The following PCDHGA11 variants were observed in gnomAD, a reference collection of about 807,000 sequenced individuals.
PCDHGA11 encodes the protein protocadherin gamma subfamily A, 11.
Under a neutral mutation model 60.4 loss-of-function variants are expected in PCDHGA11, and 39 were observed. That is an observed-to-expected ratio of 0.65 (90% CI 0.50 to 0.84). PCDHGA11 has a LOEUF of 0.84. Ranked by LOEUF, PCDHGA11 falls within the 40% of genes least tolerant of loss-of-function variation. The pLI, the probability that PCDHGA11 is intolerant of heterozygous loss-of-function variation, is 0.00. For synonymous variants in PCDHGA11, 533 were observed against 510.3 expected (o/e 1.04, Z -0.60); for missense variants, 1,165 against 1,197.7 (o/e 0.97, Z 0.40).
intron 1 of PCDHGA11, chr5:141,424,160 CATCT>C (rs1554117117): frequency 1.5e-5 from 4 of 273,202 alleles, no homozygotes; most frequent in South Asian, 1.4e-4. Flanking sequence ...CTCTCCTTCT[CATCT>C]ATCTATCTAT....
chr5:141,438,635 T>C (rs1325567714), intron 1 of PCDHGA11, among the ~76,000 whole-genome samples: 9 of 33,420 alleles, frequency 2.7e-4, no homozygotes, highest in East Asian at 1.8e-3. Flanking sequence ...TATATATATA[T>C]ACACACACAC....
At chr5:141,449,888 A>G (rs544369390) in intron 1 of PCDHGA11, among the ~76,000 whole-genome samples, 1 of 151,990 alleles carries the variant, frequency 6.6e-6, no homozygotes, top group Non-Finnish European at 1.5e-5. Flanking sequence ...ATGCAATATA[A>G]TTATTTAGCC....
At position 141,423,665 on chromosome 5, in the gene PCDHGA11, G is replaced by A; in HGVS notation, c.2433+5G>A. ...TGTGACCCGACAAGTAATCAGGTGAGATTTATTTCTCTGCCTCCTAATTGT... is the reference window on the plus strand; with the variant it reads ...TGTGACCCGACAAGTAATCAGGTGAAATTTATTTCTCTGCCTCCTAATTGT... On this transcript the variant is annotated splice_donor_5th_base_variant and intron_variant, in intron 1 of 3. Transcript: ENST00000398587. 1 of 1,512,226 alleles carries A rather than the reference G, an allele frequency of 6.6e-7. No homozygotes were observed. Among genetic ancestry groups the A allele is most frequent in the Non-Finnish European group, 8.9e-7 (1 of 1,128,960 alleles). 93.7% of individuals were successfully genotyped at this position (1,512,226 alleles called of 1,614,324 possible). A position where few individuals can be genotyped will look rare whatever the true frequency, so the allele number is the denominator to read the frequency against.
At position 141,432,749 on chromosome 5, in the gene PCDHGA11, G is replaced by A; in HGVS notation, c.2433+9089G>A. 6.8e-6 allele frequency: 11 copies of A among 1,614,106 alleles called. No homozygotes were observed. The highest frequency in any genetic ancestry group is 9.3e-6 in the Non-Finnish European group (11 of 1,179,980). On this transcript the variant is annotated intron_variant, in intron 1 of 3. Coordinates refer to ENST00000398587, the MANE Select transcript of PCDHGA11 (RefSeq NM_018914.3). The surrounding 1 kb of genome is among the most constrained non-coding windows in gnomAD (Gnocchi z 6.0). ...CGCCACTGTCACGCTCACCGTGGCCGTGGCCGACAGCATCCCCCAAGTCCT... is the reference window on the plus strand; with the variant it reads ...CGCCACTGTCACGCTCACCGTGGCCATGGCCGACAGCATCCCCCAAGTCCT...
intron 1 of PCDHGA11, chr5:141,424,091 G>A: frequency 1.1e-6 from 1 of 879,778 alleles, no homozygotes; most frequent in Non-Finnish European, 1.4e-6. Context: ...ACCATTATTT[G>A]CTATTACTGC....
chr5:141,431,561 G>C lies in PCDHGA11; in HGVS notation c.2433+7901G>C. On this transcript the variant is annotated intron_variant, in intron 1 of 3. Transcript: ENST00000398587. The surrounding 1 kb of genome is among the most constrained non-coding windows in gnomAD (Gnocchi z 4.8). ...GCAGCTGCTTGTAGTCAACGCTACC[G>C]ACCCTGACGAAGGAGTCAATGCGGA... 6.2e-7 allele frequency: 1 copy of C among 1,614,146 alleles called. No homozygotes were observed. The highest frequency in any genetic ancestry group is 1.1e-5 in the South Asian group (1 of 91,080).
intron 1 of PCDHGA11, among the ~76,000 whole-genome samples, chr5:141,425,919 G>A (rs11167745): frequency 2.0e-5 from 3 of 152,174 alleles, no homozygotes; most frequent in East Asian, 1.9e-4. Flanking sequence ...CAGTCACTAC[G>A]AAAACTCATA....
intron 3 of PCDHGA11, among the ~76,000 whole-genome samples, chr5:141,509,109 G>A (rs893509101): frequency 5.3e-5 from 8 of 152,240 alleles, no homozygotes; most frequent in African/African-American, 1.9e-4. Flanking sequence ...AAACCTGAGC[G>A]CTGGTGCGTG....
intron 2 of PCDHGA11, among the ~76,000 whole-genome samples, chr5:141,498,882 G>A (rs1287566657): frequency 6.8e-6 from 1 of 147,420 alleles, no homozygotes; most frequent in African/African-American, 2.5e-5. Context: ...GCAGTGAGCT[G>A]AGATCACACC....
In PCDHGA11 at chr5:141,487,241, A is replaced by G. The variant is rs753291480; in HGVS notation, c.2434-7566A>G. ...TCCAAGGGAAGGAGAATCTCGTCTA[A>G]CCCTCTACTTGGCTGTGTCCCTAGT... On this transcript the variant is annotated intron_variant, in intron 1 of 3. Transcript: ENST00000398587. The surrounding 1 kb of genome is among the most constrained non-coding windows in gnomAD (Gnocchi z 5.0). 2 of 1,613,876 alleles carry G rather than the reference A, an allele frequency of 1.2e-6. No homozygotes were observed. The highest frequency in any genetic ancestry group is 3.3e-5 in the Admixed American group (2 of 59,988).
chr5:141,450,835 T>TA lies in PCDHGA11; in HGVS notation c.2433+27175_2433+27176insA, dbSNP rs1438371595. ...ATTTAATATTATTATTATTATTTTT[T>TA]TTTTTTTGAGATGGGGTCTTGCTCT... is the stretch of plus-strand genomic sequence containing the variant. On this transcript the variant is annotated intron_variant, in intron 1 of 3. Coordinates refer to ENST00000398587, the MANE Select transcript of PCDHGA11 (RefSeq NM_018914.3). 4.0e-3 allele frequency among the ~76,000 whole-genome samples: 570 copies of TA among 142,160 alleles called. 3 individuals are homozygous for TA. The highest frequency in any genetic ancestry group is 0.015 in the Middle Eastern group (4 of 270). The allele number at this position is 142,160 out of a possible 152,430, so 93.3% of individuals were successfully genotyped here.
At chr5:141,492,402 C>A (rs1254310448) in intron 1 of PCDHGA11, among the ~76,000 whole-genome samples, 1 of 152,232 alleles carries the variant, frequency 6.6e-6, no homozygotes, top group African/African-American at 2.4e-5. Flanking sequence ...TCGCAGCTCC[C>A]CTCTGCCGCT....
chr5:141,511,276 T>A lies in PCDHGA11; in HGVS notation c.*103T>A. ...AGAGTTTCAGGGCTAACCCCCAGAA[T>A]ACTGGTAGGGGCCAAGGCCATGCTC... On this transcript the variant is annotated 3_prime_UTR_variant, in exon 4 of 4. Coordinates refer to ENST00000398587, the MANE Select transcript of PCDHGA11 (RefSeq NM_018914.3). 6.5e-7 allele frequency: 1 copy of A among 1,538,086 alleles called. No homozygotes were observed. Among genetic ancestry groups the A allele is most frequent in the Non-Finnish European group, 8.8e-7 (1 of 1,140,722 alleles).
chr5:141,491,072 C>T lies in PCDHGA11; in HGVS notation c.2434-3735C>T, dbSNP rs778221466. The T allele has an allele frequency of 6.2e-7, 1 of 1,614,204 alleles. No individual in the cohort carries two copies. Among genetic ancestry groups the T allele is most frequent in the South Asian group, 1.1e-5 (1 of 91,086 alleles). On this transcript the variant is annotated intron_variant, in intron 1 of 3. Coordinates refer to ENST00000398587, the MANE Select transcript of PCDHGA11 (RefSeq NM_018914.3). The surrounding 1 kb of genome is among the most constrained non-coding windows in gnomAD (Gnocchi z 6.9). ...GCGTGGCTCTCCTACTCACTGTTGCCACAGTCCACAGCCCCAGGACTGTTC... is the reference window on the plus strand; with the variant it reads ...GCGTGGCTCTCCTACTCACTGTTGCTACAGTCCACAGCCCCAGGACTGTTC...
At chr5:141,440,770 G>A (rs2098199385) in intron 1 of PCDHGA11, 1 of 152,176 alleles carries the variant, frequency 6.6e-6, no homozygotes, top group African/African-American at 2.4e-5. Flanking sequence ...CCATCCCTTA[G>A]TGCTAGCAGC....
intron 1 of PCDHGA11, among the ~76,000 whole-genome samples, chr5:141,457,827 C>T (rs1300495115): frequency 2.0e-5 from 3 of 152,204 alleles, no homozygotes; most frequent in Admixed American, 6.5e-5. Context: ...AAACTCAGAG[C>T]TTCCAGACCT....
intron 1 of PCDHGA11, among the ~76,000 whole-genome samples, chr5:141,436,374 G>C (rs2154557079): frequency 6.6e-6 from 1 of 152,248 alleles, no homozygotes; most frequent in East Asian, 1.9e-4. Context: ...TCCAGTTTAA[G>C]CTGAATAGGC....
chr5:141,478,623 GT>G (rs1337268572), intron 1 of PCDHGA11: 14 of 1,554,358 alleles, frequency 9.0e-6, no homozygotes, highest in African/African-American at 1.4e-5. Context: ...GAATGGAGCT[GT>G]TTTTTTAGTG....
At position 141,450,051 on chromosome 5, in the gene PCDHGA11, G is replaced by C. The variant is rs576363410; in HGVS notation, c.2433+26391G>C. ...AGACAGGGTCTCACTCTTTCGCCCA[G>C]GCTGGAATGCAGTGGTATGATCTTG... On this transcript the variant is annotated intron_variant, in intron 1 of 3. Coordinates refer to ENST00000398587, the MANE Select transcript of PCDHGA11 (RefSeq NM_018914.3). Among the ~76,000 whole-genome samples, 362 of 139,654 alleles carry C rather than the reference G, an allele frequency of 2.6e-3. 1 individual carries two copies. Among genetic ancestry groups the C allele is most frequent in the South Asian group, 5.5e-3 (25 of 4,506 alleles). 91.6% of individuals were successfully genotyped at this position (139,654 alleles called of 152,430 possible). A position where few individuals can be genotyped will look rare whatever the true frequency, so the allele number is the denominator to read the frequency against.
Sources: gnomAD v4.1 joint callset for allele counts (sites outside exome capture counted in the v4.1 genomes callset) on GRCh38, gnomAD v4.1.1 for gene constraint, Gnocchi (gnomAD v3.1) non-coding constraint, MANE v1.5 for transcripts, NCBI Gene and HGNC (gene_info 2026-07-23, HGNC 2026-07-21) for gene names.